BAG4: variants seen among roughly 807,000 people sequenced by gnomAD.
BAG4 encodes the protein BAG family molecular chaperone regulator 4.
BAG4 carries 28 observed loss-of-function variants against 52.1 expected under a neutral mutation model. The ratio of observed to expected loss-of-function variants is 0.54; its 90% CI spans 0.40 to 0.74. The LOEUF (loss-of-function observed/expected upper bound fraction) is 0.74. Among genes scored for constraint, BAG4 ranks in the 30% least tolerant of loss-of-function variants. The pLI is 0.00. For synonymous variants in BAG4, 208 were observed against 217.0 expected, an observed-to-expected ratio of 0.96 and a Z score of 0.37; for missense variants, 525 against 572.0, an observed-to-expected ratio of 0.92 and a Z score of 0.84.
rs374977832 is a variant in BAG4 at position 38,207,607 on chromosome 8, T to C, written c.474T>C (p.Pro158=). The part of the protein sequence containing the change: ...TASYSGAYYA[P]GYTQTSYSTE... ...CATACTCAGGGGCTTATTATGCACC[T>C]GGTTATACTCAGACCAGTTACTCCA... Residue 158 remains proline (P), a synonymous_variant, in exon 3 of 5, where the codon CCT becomes CCC. Transcript: ENST00000287322. 1.2e-5 allele frequency: 20 copies of C among 1,614,004 alleles called. No homozygotes were observed. In the African/African-American group the frequency reaches 2.5e-4, roughly 20 times the overall value.
chr8:38,186,380 G>A (rs1007939591), intron 1 of BAG4, among the ~76,000 whole-genome samples: 1 of 152,140 alleles, frequency 6.6e-6, no homozygotes. Context: ...TGGCTCAGAT[G>A]TTTTATCTGG....
At chr8:38,189,272 T>C (rs569916526) in intron 1 of BAG4, among the ~76,000 whole-genome samples, 1 of 152,206 alleles carries the variant, frequency 6.6e-6, no homozygotes, top group African/African-American at 2.4e-5. Flanking sequence ...ATAGGTGAAT[T>C]GGATGGTAGT....
Position 38,207,613 on chromosome 8 carries a change from T to C in BAG4, c.480T>C (p.Tyr160=). The C allele has an allele frequency of 6.2e-7, 1 of 1,614,174 alleles. No individual in the cohort carries two copies. Among genetic ancestry groups the C allele is most frequent in the Non-Finnish European group, 8.5e-7 (1 of 1,180,028 alleles). The change falls in exon 3 of 5, where the codon TAT becomes TAC. Residue 160 remains tyrosine (Y), a synonymous_variant. Coordinates refer to ENST00000287322, the MANE Select transcript of BAG4 (RefSeq NM_004874.4). ...SYSGAYYAPG[Y]TQTSYSTEVP... Reference sequence around the variant, plus strand: ...CAGGGGCTTATTATGCACCTGGTTATACTCAGACCAGTTACTCCACAGAAG... The same window carrying C: ...CAGGGGCTTATTATGCACCTGGTTACACTCAGACCAGTTACTCCACAGAAG...
At chr8:38,202,676 G>A (rs985419909) in intron 2 of BAG4, among the ~76,000 whole-genome samples, 4 of 151,506 alleles carry the variant, frequency 2.6e-5, no homozygotes, top group African/African-American at 9.7e-5. Context: ...TGAGTGGCTG[G>A]GACCTTAGGC....
chr8:38,202,403 C>T (rs1329425471), intron 2 of BAG4, among the ~76,000 whole-genome samples: 1 of 152,056 alleles, frequency 6.6e-6, no homozygotes, highest in South Asian at 2.1e-4. Flanking sequence ...GTAGCTGGGA[C>T]TACAGGCACA....
intron 3 of BAG4, among the ~76,000 whole-genome samples, chr8:38,208,434 C>T (rs1183600304): frequency 1.3e-5 from 2 of 151,336 alleles, no homozygotes; most frequent in Non-Finnish European, 2.9e-5. Flanking sequence ...CTCAGCCTCC[C>T]GAGTAGCTGG....
At chr8:38,206,201 G>C (rs911790302) in intron 2 of BAG4, among the ~76,000 whole-genome samples, 9 of 151,580 alleles carry the variant, frequency 5.9e-5, no homozygotes, top group African/African-American at 1.9e-4. Context: ...CTTGAATCTG[G>C]GGGGTGGAGG....
rs959698137 is a variant in BAG4, at chr8:38,180,306, T to C, written c.270+3167T>C. ...GGGAGGCTGAGGCAGGTGGATCACC[T>C]GAGGTCAGGAGTTCGAGACCAGCCT... On this transcript the variant is annotated intron_variant, in intron 1 of 4. Coordinates refer to ENST00000287322, the MANE Select transcript of BAG4 (RefSeq NM_004874.4). Among the ~76,000 whole-genome samples, 4 of 151,936 alleles carry C rather than the reference T, an allele frequency of 2.6e-5. No homozygotes were observed. The South Asian group carries it at 6.2e-4, about 24-fold the overall frequency.
chr8:38,193,372 T>C (rs1255172140), intron 2 of BAG4, among the ~76,000 whole-genome samples: 1 of 151,258 alleles, frequency 6.6e-6, no homozygotes, highest in African/African-American at 2.4e-5. Context: ...TGAGCTGAGA[T>C]CACACCATTA....
In BAG4 at chr8:38,211,980, A is replaced by G. The variant is rs1358299589; in HGVS notation, c.*1487A>G. 6.6e-6 allele frequency: 1 copy of G among 152,076 alleles called. No individual in the cohort carries two copies. The highest frequency in any genetic ancestry group is 1.5e-5 in the Non-Finnish European group (1 of 67,992). 9.4% of individuals were successfully genotyped at this position (152,076 alleles called of 1,614,324 possible). On this transcript the variant is annotated 3_prime_UTR_variant, in exon 5 of 5. Transcript: ENST00000287322. ...AGGCCTATGAGTAAATACTAAATCTATTAGCTGTCCCCACTCATAAACCAA... is the reference window on the plus strand; with the variant it reads ...AGGCCTATGAGTAAATACTAAATCTGTTAGCTGTCCCCACTCATAAACCAA...
At chr8:38,200,040 C>G (rs1803634803) in intron 2 of BAG4, among the ~76,000 whole-genome samples, 1 of 145,550 alleles carries the variant, frequency 6.9e-6, no homozygotes. Context: ...GAGTCTTGTT[C>G]TGTCGCCCAG....
chr8:38,197,809 G>T (rs1472398507), intron 2 of BAG4, among the ~76,000 whole-genome samples: 1 of 152,020 alleles, frequency 6.6e-6, no homozygotes, highest in Non-Finnish European at 1.5e-5. Flanking sequence ...AAGCGATCCT[G>T]CCACCTCAGC....
At position 38,210,417 on chromosome 8, in the gene BAG4, C is replaced by T. The variant is rs1554508572; in HGVS notation, c.1298C>T (p.Ser433Phe). Reference protein sequence around the residue: ...LDSVETGGQDSVRQARKEAVC... With the variant: ...LDSVETGGQDFVRQARKEAVC... The stretch of plus-strand genomic sequence containing the variant: ...TCAGTTGAAACTGGGGGCCAGGACT[C>T]TGTACGGCAGGCCAGAAAAGAGGCT... The change falls in exon 5 of 5, where the codon TCT becomes TTT. Residue 433 changes from serine (S) to phenylalanine (F), a missense_variant. By Grantham distance (155) the Ser-to-Phe change is radical. Around this residue, in one of 2 missense-constraint regions of BAG4, gnomAD observed 238 missense variants for 305.8 expected, o/e 0.78. Transcript: ENST00000287322. 3.9e-5 allele frequency: 63 copies of T among 1,613,348 alleles called. No individual in the cohort carries two copies. The South Asian group carries it at 6.0e-4, about 15-fold the overall frequency.
intron 2 of BAG4, among the ~76,000 whole-genome samples, chr8:38,197,289 G>A (rs1221841332): frequency 6.6e-6 from 1 of 152,078 alleles, no homozygotes; most frequent in Non-Finnish European, 1.5e-5. Context: ...AAGTCTAGAT[G>A]GTACAGCTTA....
chr8:38,203,460 T>A (rs1212969254), intron 2 of BAG4, among the ~76,000 whole-genome samples: 1 of 151,976 alleles, frequency 6.6e-6, no homozygotes. Context: ...TTTTTTTGTA[T>A]TTTTAGTAGA....
intron 1 of BAG4, among the ~76,000 whole-genome samples, chr8:38,179,165 A>T (rs1194426676): frequency 1.3e-5 from 2 of 150,708 alleles, no homozygotes; most frequent in Admixed American, 6.6e-5. Flanking sequence ...TTTTATTTTT[A>T]TTTTTTATTT....
chr8:38,192,186 C>T (rs1393861884), intron 1 of BAG4, among the ~76,000 whole-genome samples: 1 of 152,046 alleles, frequency 6.6e-6, no homozygotes, highest in Non-Finnish European at 1.5e-5. Flanking sequence ...AGCAAAGAAC[C>T]ATTTTGTTGC....
At chr8:38,205,202 ATTTTTTTTTTTTTT>A (rs35284937) in intron 2 of BAG4, among the ~76,000 whole-genome samples, 5 of 79,316 alleles carry the variant, frequency 6.3e-5, no homozygotes, top group African/African-American at 9.7e-5. Context: ...CAGCTAATTA[ATTTTTTTTTTTTTT>A]TTTTTTTTTT....
At chr8:38,203,734 C>G (rs1233797896) in intron 2 of BAG4, among the ~76,000 whole-genome samples, 1 of 150,004 alleles carries the variant, frequency 6.7e-6, no homozygotes, top group Admixed American at 6.8e-5. Context: ...ACTTGGGAGG[C>G]TGAGGCAGGA....
Sources: allele counts gnomAD v4.1 joint callset (sites outside exome capture counted in the v4.1 genomes callset), GRCh38; gene constraint gnomAD v4.1.1; regional missense constraint gnomAD v4.1.1; transcripts MANE v1.5; gene names NCBI Gene and HGNC (gene_info 2026-07-23, HGNC 2026-07-21).